The following DNAJC10 variants were observed in gnomAD, a reference collection of about 807,000 sequenced individuals.
DNAJC10 encodes the protein DnaJ heat shock protein family (Hsp40) member C10.
Under a neutral mutation model 115.0 loss-of-function variants are expected in DNAJC10, and 101 were observed. The observed-to-expected ratio is 0.88, with a 90% CI of 0.75 to 1.04. DNAJC10 has a LOEUF of 1.04. Among genes scored for constraint, DNAJC10 ranks in the 50% least tolerant of loss-of-function variants. The probability of loss-of-function intolerance (pLI) is 0.00; values close to 1 mark genes in which losing one functional copy is unlikely to be tolerated. For missense variants in DNAJC10, 981 were observed against 928.8 expected (o/e 1.06, Z -0.73); for synonymous variants, 307 against 301.5 (o/e 1.02, Z -0.19).
rs552113953 is a variant in DNAJC10 at position 182,740,010 on chromosome 2, A to C, written c.988-289A>C. The C allele has an allele frequency of 1.1e-5, 11 of 1,003,490 alleles. No homozygotes were observed. In the South Asian group the frequency reaches 3.6e-4, roughly 33 times the overall value. 62.2% of individuals were successfully genotyped at this position (1,003,490 alleles called of 1,614,324 possible). On this transcript the variant is annotated intron_variant, in intron 11 of 23. Transcript: ENST00000264065. ...GAGGTCACTCAGGATTTTTCTGAGC[A>C]TTTTTATAGAATACACATCATAGTT...
intron 11 of DNAJC10, among the ~76,000 whole-genome samples, chr2:182,737,262 T>C (rs770051867): frequency 6.6e-6 from 1 of 152,186 alleles, no homozygotes; most frequent in Non-Finnish European, 1.5e-5. Context: ...GATGGGTCAC[T>C]ACGGAATCCC....
At chr2:182,757,562 T>C (rs1694188521) in intron 18 of DNAJC10, 130 bp from the exon 19 acceptor site, 4 of 621,772 alleles carry the variant, frequency 6.4e-6, no homozygotes, top group Middle Eastern at 4.8e-4. Flanking sequence ...TAAACCCTTA[T>C]CCATTTTTAT....
At position 182,752,127 on chromosome 2, in the gene DNAJC10, T is replaced by C. The variant is rs1245844164; in HGVS notation, c.1490T>C (p.Leu497Pro). 1 of 1,613,766 alleles carries C rather than the reference T, an allele frequency of 6.2e-7. No individual in the cohort carries two copies. The highest frequency in any genetic ancestry group is 1.3e-5 in the African/African-American group (1 of 74,926). Residue 497 changes from leucine to proline, a missense_variant, in exon 16 of 24, where the codon CTT becomes CCT. By Grantham distance (98) the Leu-to-Pro change is moderately conservative (BLOSUM62 -3). Coordinates refer to ENST00000264065, the MANE Select transcript of DNAJC10 (RefSeq NM_018981.4). ...LPELRRASNL[L>P]YGQLKFGTLD... is the part of the protein sequence containing the mutation. ...GAGTTACGAAGAGCATCAAATCTTC[T>C]TTATGGTCAGCTTAAGTTTGGTACA...
intron 22 of DNAJC10, among the ~76,000 whole-genome samples, chr2:182,769,267 A>G (rs566773165): frequency 4.8e-4 from 73 of 152,256 alleles, no homozygotes; most frequent in Admixed American, 7.8e-4. Flanking sequence ...GCTATTGTGA[A>G]TAGTGCTGCA....
At position 182,729,580 on chromosome 2, in the gene DNAJC10, T is replaced by G. The variant is rs942930625; in HGVS notation, c.634-268T>G. 3.3e-5 allele frequency among the ~76,000 whole-genome samples: 5 copies of G among 152,192 alleles called. No individual in the cohort carries two copies. The South Asian group carries it at 6.2e-4, about 19-fold the overall frequency. The stretch of plus-strand genomic sequence containing the variant: ...TTTACAAAGTATTTTACAAGTGTTG[T>G]CTCATTGAATGTAAAGCTCTGATAT... On this transcript the variant is annotated intron_variant, in intron 7 of 23. Coordinates refer to ENST00000264065, the MANE Select transcript of DNAJC10 (RefSeq NM_018981.4).
chr2:182,739,302 A>T (rs1252676598), intron 11 of DNAJC10, among the ~76,000 whole-genome samples: 3 of 149,474 alleles, frequency 2.0e-5, no homozygotes, highest in Non-Finnish European at 3.0e-5. Flanking sequence ...AAAAACCTGA[A>T]TTTTTATTCT....
intron 21 of DNAJC10, 57 bp from the exon 22 acceptor site, chr2:182,762,625 G>A: frequency 2.5e-6 from 4 of 1,581,056 alleles, no homozygotes; most frequent in Non-Finnish European, 3.5e-6. Flanking sequence ...TTGCTTTGTT[G>A]TTGCCAAAAT....
chr2:182,759,733 A>G (rs1254212904), intron 21 of DNAJC10, among the ~76,000 whole-genome samples: 2 of 151,996 alleles, frequency 1.3e-5, no homozygotes, highest in Non-Finnish European at 2.9e-5. Flanking sequence ...AGACTTAACC[A>G]TATTTGCCTT....
Position 182,736,364 on chromosome 2 carries a change from A to G in DNAJC10, c.965A>G (p.Asn322Ser), listed in dbSNP as rs1236805876. 6.3e-7 allele frequency: 1 copy of G among 1,580,186 alleles called. No homozygotes were observed. The highest frequency in any genetic ancestry group is 8.6e-7 in the Non-Finnish European group (1 of 1,167,498). ...TTTCCTCCTGGAGCCACTTTAAATA[A>G]CAAAGAGAAAAACAGTATTTTGGTA... is the stretch of plus-strand genomic sequence containing the variant. ...AYFPPGATLN[N>S]KEKNSILFLN... Residue 322 changes from asparagine (N) to serine (S), a missense_variant, in exon 11 of 24, where the codon AAC (asparagine) becomes AGC (serine). Asn to Ser is a conservative substitution (Grantham distance 46). Transcript: ENST00000264065.
chr2:182,741,760 G>A (rs1445948864), intron 13 of DNAJC10, among the ~76,000 whole-genome samples: 1 of 152,064 alleles, frequency 6.6e-6, no homozygotes, highest in Non-Finnish European at 1.5e-5. Flanking sequence ...TCATAACCCT[G>A]CTATGTATTT....
At position 182,784,493 on chromosome 2, in the gene DNAJC10, GCA is replaced by G. The variant is rs1331014893; in HGVS notation, c.*7364_*7365del. 1 of 152,146 alleles carries G rather than the reference GCA, an allele frequency of 6.6e-6. No homozygotes were observed. Among genetic ancestry groups the G allele is most frequent in the Admixed American group, 6.5e-5 (1 of 15,270 alleles). 9.4% of individuals were successfully genotyped at this position (152,146 alleles called of 1,614,324 possible). On this transcript the variant is annotated 3_prime_UTR_variant, in exon 24 of 24. Transcript: ENST00000264065. ...CCTAGCACATTGTTGACCCGTAGAAGCACAGTGTGTATTTCAATTGACAAACA... is the reference window on the plus strand; with the variant it reads ...CCTAGCACATTGTTGACCCGTAGAAGCAGTGTGTATTTCAATTGACAAACA...
chr2:182,731,069 G>C lies in DNAJC10; in HGVS notation c.767G>C (p.Gly256Ala), dbSNP rs1398006953. Residue 256 changes from glycine to alanine, a missense_variant, in exon 9 of 24, where the codon GGT (glycine) becomes GCT (alanine). Physicochemically the swap from Gly to Ala is moderately conservative, Grantham distance 60 (BLOSUM62 0). Transcript: ENST00000264065. ...TCCATACAAACTGCTTTTGCTGCTG[G>C]TATTGGCTGGCTGATCACTTTTTGT... ...VNSIQTAFAA[G>A]IGWLITFCSK... 1 of 1,612,772 alleles carries C rather than the reference G, an allele frequency of 6.2e-7. No individual in the cohort carries two copies. The highest frequency in any genetic ancestry group is 8.5e-7 in the Non-Finnish European group (1 of 1,179,458).
rs961894829 is a variant in DNAJC10, at chr2:182,728,600, T to G, written c.443T>G (p.Leu148Arg). Reference protein sequence around the residue: ...EFDAAVNSGELWFVNFYSPGC... With the variant: ...EFDAAVNSGERWFVNFYSPGC... ...GATGCTGCTGTTAATTCTGGAGAAC[T>G]GTGGTTTGTAAATTTTTACTCCCCA... is the stretch of plus-strand genomic sequence containing the variant. The change falls in exon 6 of 24, where the codon CTG becomes CGG. Residue 148 changes from leucine (L) to arginine (R), a missense_variant. Leu to Arg is a moderately radical substitution (Grantham distance 102). Transcript: ENST00000264065. 3 of 1,612,206 alleles carry G rather than the reference T, an allele frequency of 1.9e-6. No individual in the cohort carries two copies. Among genetic ancestry groups the G allele is most frequent in the Non-Finnish European group, 2.5e-6 (3 of 1,178,812 alleles).
In DNAJC10 at chr2:182,783,061, T is replaced by C. The variant is rs1036784370; in HGVS notation, c.*5929T>C. The stretch of plus-strand genomic sequence containing the variant: ...GTGGTTTTGTCATAAATAGCTCTTA[T>C]TATTTTGAGATATGTTCCATCATAT... On this transcript the variant is annotated 3_prime_UTR_variant, in exon 24 of 24. Transcript: ENST00000264065. 6.6e-6 allele frequency: 1 copy of C among 152,198 alleles called. No individual in the cohort carries two copies. Among genetic ancestry groups the C allele is most frequent in the South Asian group, 2.1e-4 (1 of 4,834 alleles). The allele number at this position is 152,198 out of a possible 1,614,324, so 9.4% of individuals were successfully genotyped here.
rs1694810444 is a variant in DNAJC10 at position 182,780,097 on chromosome 2, A to G, written c.*2965A>G. The stretch of plus-strand genomic sequence containing the variant: ...TGAAAAGTAAATAACCTTTCTGATA[A>G]TATTCTACTTTACACATATACTGAA... On this transcript the variant is annotated 3_prime_UTR_variant, in exon 24 of 24. Coordinates refer to ENST00000264065, the MANE Select transcript of DNAJC10 (RefSeq NM_018981.4). 6.6e-6 allele frequency: 1 copy of G among 152,192 alleles called. No individual in the cohort carries two copies. Among genetic ancestry groups the G allele is most frequent in the African/African-American group, 2.4e-5 (1 of 41,450 alleles). The allele number at this position is 152,192 out of a possible 1,614,324, so 9.4% of individuals were successfully genotyped here.
At chr2:182,775,507 G>C (rs1694683960) in intron 23 of DNAJC10, 87 bp downstream of exon 23, 1 of 704,178 alleles carries the variant, frequency 1.4e-6, no homozygotes, top group Non-Finnish European at 2.4e-6. Flanking sequence ...TGCATCCAGA[G>C]ACAACAAAAT....
Position 182,777,601 on chromosome 2 carries a change from T to G in DNAJC10, c.*469T>G, listed in dbSNP as rs1694742330. 6.6e-6 allele frequency: 1 copy of G among 152,242 alleles called. No homozygotes were observed. Among genetic ancestry groups the G allele is most frequent in the Non-Finnish European group, 1.5e-5 (1 of 68,098 alleles). The allele number at this position is 152,242 out of a possible 1,614,324, so 9.4% of individuals were successfully genotyped here. ...TAAGTTGTATAAAGTCCACTTTCCC[T>G]TCACGTTTTTTGGCTGACCTGAAAA... On this transcript the variant is annotated 3_prime_UTR_variant, in exon 24 of 24. Coordinates refer to ENST00000264065, the MANE Select transcript of DNAJC10 (RefSeq NM_018981.4).
rs1695082051 is a variant in DNAJC10, at chr2:182,793,131, C to T, written c.*15999C>T. ...GCCACTAAATGGGCTGAGGGTAGAG[C>T]ATATGAACAGAGAGAAAGGCCAGAG... On this transcript the variant is annotated 3_prime_UTR_variant, in exon 24 of 24. Transcript: ENST00000264065. 6.6e-6 allele frequency: 1 copy of T among 152,110 alleles called. No individual in the cohort carries two copies. Among genetic ancestry groups the T allele is most frequent in the African/African-American group, 2.4e-5 (1 of 41,342 alleles). 9.4% of individuals were successfully genotyped at this position (152,110 alleles called of 1,614,324 possible).
At chr2:182,759,335 G>C (rs769796797) in intron 21 of DNAJC10, 28 bp downstream of exon 21, 2 of 1,577,766 alleles carry the variant, frequency 1.3e-6, no homozygotes. Context: ...TAAATAAGTT[G>C]TAGCCACATT....
Sources: allele counts gnomAD v4.1 joint callset (sites outside exome capture counted in the v4.1 genomes callset), GRCh38; gene constraint gnomAD v4.1.1; transcripts MANE v1.5; gene names NCBI Gene and HGNC (gene_info 2026-07-23, HGNC 2026-07-21).